The following CDK14 variants were observed in gnomAD, a reference collection of about 807,000 sequenced individuals.
CDK14 encodes the protein cyclin dependent kinase 14, also known as cyclin-dependent kinase 14.
In CDK14, 34 loss-of-function variants were observed where a neutral mutation model predicts 60.7. The ratio of observed to expected loss-of-function variants is 0.56; its 90% CI spans 0.43 to 0.75. CDK14 has a LOEUF of 0.75. CDK14 is among the 30% of genes least tolerant of loss of function. CDK14 has a pLI of 0.00. For synonymous variants in CDK14, 197 were observed against 203.7 expected, an observed-to-expected ratio of 0.97 and a Z score of 0.28; for missense variants, 482 against 564.1, an observed-to-expected ratio of 0.85 and a Z score of 1.47.
intron 14 of CDK14, among the ~76,000 whole-genome samples, chr7:91,140,853 C>T (rs879508784): frequency 7.9e-5 from 12 of 151,876 alleles, no homozygotes; most frequent in East Asian, 3.9e-4. Flanking sequence ...AAAAGACAGA[C>T]GTATTCGAGA....
At chr7:91,137,277 G>A (rs945064960) in intron 14 of CDK14, among the ~76,000 whole-genome samples, 9 of 152,148 alleles carry the variant, frequency 5.9e-5, no homozygotes, top group Admixed American at 2.0e-4. Flanking sequence ...GGGGGGACCT[G>A]AATATACCTC....
At chr7:91,132,453 C>A (rs1800148172) in intron 14 of CDK14, among the ~76,000 whole-genome samples, 1 of 152,106 alleles carries the variant, frequency 6.6e-6, no homozygotes, top group Non-Finnish European at 1.5e-5. Flanking sequence ...TCTTGAATGA[C>A]ATGCTGAAGA....
chr7:90,789,334 A>G (rs535043811), intron 4 of CDK14, among the ~76,000 whole-genome samples: 43 of 152,198 alleles, frequency 2.8e-4, no homozygotes, highest in African/African-American at 9.4e-4. Context: ...GTATACCACT[A>G]TTTGTGTATG....
intron 2 of CDK14, among the ~76,000 whole-genome samples, chr7:90,659,878 T>TCTCTCTCG (rs1800833024): frequency 8.3e-6 from 1 of 120,338 alleles, no homozygotes; most frequent in East Asian, 2.3e-4. Context: ...TCTCTCTCTG[T>TCTCTCTCG]GTGTGTGTGT....
At chr7:90,943,975 C>T (rs1794017487) in intron 8 of CDK14, among the ~76,000 whole-genome samples, 2 of 152,146 alleles carry the variant, frequency 1.3e-5, no homozygotes, top group Non-Finnish European at 2.9e-5. Flanking sequence ...TGGGTTAATC[C>T]TCACAGGAGT....
chr7:90,844,696 G>A (rs1271936428), intron 5 of CDK14, among the ~76,000 whole-genome samples: 1 of 152,122 alleles, frequency 6.6e-6, no homozygotes, highest in Non-Finnish European at 1.5e-5. Flanking sequence ...AACAAATGAA[G>A]GATAAGAAAA....
chr7:90,726,871 A>G, intron 3 of CDK14, 59 bp downstream of exon 3: 1 of 1,577,518 alleles, frequency 6.3e-7, no homozygotes, highest in Non-Finnish European at 8.6e-7. Context: ...TTCTTATGAT[A>G]GCATGCGGTG....
chr7:90,794,900 A>G (rs1562773375), intron 5 of CDK14, among the ~76,000 whole-genome samples: 1 of 152,208 alleles, frequency 6.6e-6, no homozygotes, highest in Non-Finnish European at 1.5e-5. Flanking sequence ...GAAACTATAC[A>G]AGTATTAATT....
At chr7:91,084,599 T>C (rs1798577729) in intron 12 of CDK14, among the ~76,000 whole-genome samples, 2 of 152,236 alleles carry the variant, frequency 1.3e-5, no homozygotes, top group African/African-American at 2.4e-5. Context: ...AGATTTCTTA[T>C]CCATGTCTCT....
intron 2 of CDK14, among the ~76,000 whole-genome samples, chr7:90,720,384 C>T (rs529530859): frequency 6.6e-6 from 1 of 152,220 alleles, no homozygotes; most frequent in Admixed American, 6.5e-5. Context: ...GTGAAGCTGA[C>T]GGACAGTGCG....
intron 4 of CDK14, among the ~76,000 whole-genome samples, chr7:90,775,099 G>T (rs1804959950): frequency 1.3e-5 from 2 of 152,228 alleles, no homozygotes; most frequent in Admixed American, 6.5e-5. Context: ...GTATGCCTCT[G>T]TTAGAGAAAG....
At chr7:90,785,765 C>T (rs984556420) in intron 4 of CDK14, among the ~76,000 whole-genome samples, 7 of 116,074 alleles carry the variant, frequency 6.0e-5, no homozygotes, top group Admixed American at 1.2e-4. Flanking sequence ...CCAGCCTGGG[C>T]GGCTGAGTGA....
intron 5 of CDK14, among the ~76,000 whole-genome samples, chr7:90,804,856 A>G (rs1365587172): frequency 6.6e-6 from 1 of 152,144 alleles, no homozygotes; most frequent in Admixed American, 6.5e-5. Flanking sequence ...GATTACATAA[A>G]CAGTTCTAAT....
chr7:90,639,722 G>T (rs1367201035), intron 2 of CDK14, among the ~76,000 whole-genome samples: 1 of 149,690 alleles, frequency 6.7e-6, no homozygotes, highest in Non-Finnish European at 1.5e-5. Flanking sequence ...GCCCCCAGAG[G>T]TGGAGCCTAC....
intron 2 of CDK14, among the ~76,000 whole-genome samples, chr7:90,674,775 T>A (rs1188391729): frequency 6.6e-6 from 1 of 152,090 alleles, no homozygotes; most frequent in Non-Finnish European, 1.5e-5. Context: ...AACTGGCCAC[T>A]CCAGACCTCC....
chr7:90,765,958 G>A (rs1310575554), intron 4 of CDK14, among the ~76,000 whole-genome samples: 1 of 152,094 alleles, frequency 6.6e-6, no homozygotes, highest in African/African-American at 2.4e-5. Flanking sequence ...CATGTAATTG[G>A]TCTTCCTGTT....
intron 8 of CDK14, among the ~76,000 whole-genome samples, chr7:90,940,196 G>A (rs1429006982): frequency 6.6e-6 from 1 of 152,088 alleles, no homozygotes; most frequent in Non-Finnish European, 1.5e-5. Flanking sequence ...CCCACAGGCA[G>A]TTGCCTTTAC....
intron 5 of CDK14, among the ~76,000 whole-genome samples, chr7:90,820,260 C>T (rs1007296647): frequency 2.0e-5 from 3 of 152,096 alleles, no homozygotes; most frequent in Non-Finnish European, 2.9e-5. Context: ...TTTCTGCTTC[C>T]TTGGGCATCC....
At chr7:91,121,320 T>C (rs1196273557) in intron 14 of CDK14, among the ~76,000 whole-genome samples, 4 of 151,962 alleles carry the variant, frequency 2.6e-5, no homozygotes, top group Non-Finnish European at 5.9e-5. Flanking sequence ...GCCAAGGGGG[T>C]TGGGGGCTGA....
Sources: allele counts gnomAD v4.1 joint callset (sites outside exome capture counted in the v4.1 genomes callset), GRCh38; gene constraint gnomAD v4.1.1; transcripts MANE v1.5; gene names NCBI Gene and HGNC (gene_info 2026-07-23, HGNC 2026-07-21).